Variants in TENM3 observed in about 807,000 individuals in gnomAD.
TENM3 encodes the protein teneurin transmembrane protein 3.
Under a neutral mutation model 255.1 loss-of-function variants are expected in TENM3, and 63 were observed. The ratio of observed to expected loss-of-function variants is 0.25; its 90% CI spans 0.20 to 0.30. The LOEUF (loss-of-function observed/expected upper bound fraction) is 0.30. TENM3 is among the 10% of genes least tolerant of loss of function. The pLI, the probability that TENM3 is intolerant of heterozygous loss-of-function variation, is 1.00. For synonymous variants in TENM3, 1,306 were observed against 1,322.3 expected (o/e 0.99, Z 0.27); for missense variants, 2,929 against 3,461.1 (o/e 0.85, Z 3.86).
At chr4:182,138,243 C>T in the TENM3 span, among the ~76,000 whole-genome samples, 1 of 152,102 alleles carries the variant, frequency 6.6e-6, no homozygotes, top group African/African-American at 2.4e-5. Flanking sequence ...TACTTTATCA[C>T]GACGAATCTT....
chr4:181,770,271 T>C, the TENM3 span, among the ~76,000 whole-genome samples: 1 of 152,228 alleles, frequency 6.6e-6, no homozygotes, highest in African/African-American at 2.4e-5. Flanking sequence ...CATAATATTT[T>C]TGAAACCAAA....
At chr4:181,488,790 G>A in the TENM3 span, among the ~76,000 whole-genome samples, 1 of 152,130 alleles carries the variant, frequency 6.6e-6, no homozygotes, top group African/African-American at 2.4e-5. Flanking sequence ...TATCTGGCAG[G>A]TTGAATGCAC....
At chr4:182,637,921 G>C (rs1751975470) in intron 5 of TENM3, among the ~76,000 whole-genome samples, 1 of 152,140 alleles carries the variant, frequency 6.6e-6, no homozygotes, top group African/African-American at 2.4e-5. Flanking sequence ...CGTAGGGACA[G>C]ATTCTAAGTG....
intron 3 of TENM3, among the ~76,000 whole-genome samples, chr4:182,469,643 G>T (rs1025026863): frequency 6.6e-6 from 1 of 151,974 alleles, no homozygotes; most frequent in Admixed American, 6.6e-5. Context: ...GAACCTGGGA[G>T]GCGGAGGTTG....
At chr4:182,497,330 C>T (rs368701180) in intron 3 of TENM3, among the ~76,000 whole-genome samples, 5 of 152,210 alleles carry the variant, frequency 3.3e-5, no homozygotes, top group South Asian at 2.1e-4. Flanking sequence ...GGATTACAGG[C>T]GTGAGCCACG....
chr4:181,561,862 T>C, the TENM3 span, among the ~76,000 whole-genome samples: 1 of 152,206 alleles, frequency 6.6e-6, no homozygotes, highest in Non-Finnish European at 1.5e-5. Context: ...TTTTGATACA[T>C]GTTTTCGGAT....
chr4:181,448,639 T>C, the TENM3 span, among the ~76,000 whole-genome samples: 2 of 152,190 alleles, frequency 1.3e-5, no homozygotes, highest in African/African-American at 2.4e-5. Flanking sequence ...GATTGTTAAA[T>C]GGAAATCAAG....
chr4:182,372,695 AAATGTTATAATT>A (rs1318532034), intron 3 of TENM3, among the ~76,000 whole-genome samples: 2 of 152,188 alleles, frequency 1.3e-5, no homozygotes, highest in Non-Finnish European at 2.9e-5. Flanking sequence ...AACATGGACT[AAATGTTATAATT>A]ACTTGCTTCA....
intron 3 of TENM3, among the ~76,000 whole-genome samples, chr4:182,588,463 A>C (rs1226778108): frequency 6.6e-6 from 1 of 152,192 alleles, no homozygotes; most frequent in African/African-American, 2.4e-5. Context: ...TGTTTTATTT[A>C]TATCATATCA....
At chr4:181,510,968 G>A in the TENM3 span, among the ~76,000 whole-genome samples, 1 of 152,138 alleles carries the variant, frequency 6.6e-6, no homozygotes, top group Non-Finnish European at 1.5e-5. Context: ...TCCCCCTTTT[G>A]GTAAGAAGGC....
chr4:181,993,636 T>C, the TENM3 span, among the ~76,000 whole-genome samples: 1 of 152,136 alleles, frequency 6.6e-6, no homozygotes, highest in Non-Finnish European at 1.5e-5. Flanking sequence ...CCGGGAGGCA[T>C]ACAAAATAAA....
chr4:181,654,237 A>G, the TENM3 span, among the ~76,000 whole-genome samples: 1 of 148,316 alleles, frequency 6.7e-6, no homozygotes, highest in Middle Eastern at 3.4e-3. Flanking sequence ...CAGGAAAAAA[A>G]AAAAAAAAAA....
the TENM3 span, among the ~76,000 whole-genome samples, chr4:181,494,979 T>G: frequency 6.6e-6 from 1 of 152,186 alleles, no homozygotes; most frequent in African/African-American, 2.4e-5. Context: ...CTCTTATTTT[T>G]TCTTGCATGT....
the TENM3 span, among the ~76,000 whole-genome samples, chr4:182,069,543 C>T: frequency 6.6e-6 from 1 of 152,032 alleles, no homozygotes; most frequent in Non-Finnish European, 1.5e-5. Context: ...TATTTATTTG[C>T]CCCTTTGTCA....
At chr4:181,815,735 T>C in the TENM3 span, among the ~76,000 whole-genome samples, 2 of 151,944 alleles carry the variant, frequency 1.3e-5, no homozygotes, top group Non-Finnish European at 2.9e-5. Flanking sequence ...TTAGATGAGA[T>C]TTTCAGGAAC....
rs915109941 is a variant in TENM3, at chr4:182,473,676, A to AAAAAT, written c.511+126762_511+126766dup. On this transcript the variant is annotated intron_variant, in intron 3 of 27. Transcript: ENST00000511685. ...CGACAGAGCGAGACTTCATCTAAAA[A>AAAAAT]AAAATAAAATAAAATAAAAAATTTG... is the stretch of plus-strand genomic sequence containing the variant. 2.7e-5 allele frequency among the ~76,000 whole-genome samples: 4 copies of AAAAAT among 150,876 alleles called. No homozygotes were observed. In the East Asian group the frequency reaches 5.8e-4, roughly 22 times the overall value.
rs185297201 is a variant in TENM3 at position 182,270,521 on chromosome 4, G to A, written c.-76+27045G>A. Among the ~76,000 whole-genome samples, 22 of 152,304 alleles carry A rather than the reference G, an allele frequency of 1.4e-4. No homozygotes were observed. The East Asian group carries it at 3.3e-3, about 23-fold the overall frequency. The stretch of plus-strand genomic sequence containing the variant: ...CTCCAAAGGAGAAGGTATAGGAGGC[G>A]TGTCTGACCTCCCTTCCAGTCTTGA... On this transcript the variant is annotated intron_variant, in intron 1 of 27. Coordinates refer to ENST00000511685, the MANE Select transcript of TENM3 (RefSeq NM_001080477.4).
chr4:181,565,169 CCT>C, the TENM3 span, among the ~76,000 whole-genome samples: 1 of 152,116 alleles, frequency 6.6e-6, no homozygotes, highest in East Asian at 1.9e-4. Flanking sequence ...CAAATAATTC[CCT>C]GAGTTAAAGA....
chr4:182,359,463 G>A (rs371281687), intron 3 of TENM3, among the ~76,000 whole-genome samples: 1 of 150,294 alleles, frequency 6.7e-6, no homozygotes, highest in African/African-American at 2.4e-5. Flanking sequence ...TGTATGTGTC[G>A]AGGAATTTAT....
Sources: gnomAD v4.1 joint callset for allele counts (sites outside exome capture counted in the v4.1 genomes callset) on GRCh38, gnomAD v4.1.1 for gene constraint, MANE v1.5 for transcripts, NCBI Gene and HGNC (gene_info 2026-07-23, HGNC 2026-07-21) for gene names.